GRM5: variants seen among roughly 807,000 people sequenced by gnomAD.
GRM5 encodes glutamate metabotropic receptor 5, also known as metabotropic glutamate receptor 5.
In GRM5, 19 loss-of-function variants were observed where a neutral mutation model predicts 83.1. The ratio of observed to expected loss-of-function variants is 0.23; its 90% confidence interval spans 0.16 to 0.34. The LOEUF (loss-of-function observed/expected upper bound fraction) is 0.34, where lower values mean the gene tolerates loss of function less well. GRM5 is among the 10% of genes least tolerant of loss of function. The pLI, the probability that GRM5 is intolerant of heterozygous loss-of-function variation, is 1.00. For synonymous variants in GRM5, 675 were observed against 633.6 expected, an observed-to-expected ratio of 1.07 and a Z score of -0.98; for missense variants, 1,160 against 1,588.3, an observed-to-expected ratio of 0.73 and a Z score of 4.58.
chr11:88,991,882 A>G (rs965349813), intron 2 of GRM5, among the ~76,000 whole-genome samples: 1 of 152,168 alleles, frequency 6.6e-6, no homozygotes, highest in Non-Finnish European at 1.5e-5. Context: ...TTAAAGACTT[A>G]AACGTTAGAC....
chr11:88,880,685 G>A (rs1046205344), intron 2 of GRM5, among the ~76,000 whole-genome samples: 5 of 152,076 alleles, frequency 3.3e-5, no homozygotes, highest in Non-Finnish European at 5.9e-5. Flanking sequence ...CAAGACATGT[G>A]GCTTCAAAAA....
rs145543820 is a variant in GRM5, at chr11:88,886,270, C to T, written c.662-36115G>A. On this transcript the variant is annotated intron_variant, in intron 2 of 9. Coordinates refer to ENST00000305447, the MANE Select transcript of GRM5 (RefSeq NM_001143831.3). The stretch of plus-strand genomic sequence containing the variant: ...ATTTTCCTGGTGCGTGATGACAAAC[C>T]CTGGGTTTACACCCCAGACATAGCT... Among the ~76,000 whole-genome samples the T allele has an allele frequency of 6.4e-3, 972 of 152,214 alleles. 11 individuals carry two copies. Among genetic ancestry groups the T allele is most frequent in the African/African-American group, 0.022 (912 of 41,534 alleles).
chr11:89,006,809 T>C (rs1312795643), intron 2 of GRM5, among the ~76,000 whole-genome samples: 4 of 152,196 alleles, frequency 2.6e-5, no homozygotes, highest in African/African-American at 9.6e-5. Context: ...CTTTGTTTTG[T>C]TTTGTTTTGA....
chr11:88,690,058 A>T (rs1940741964), intron 3 of GRM5, among the ~76,000 whole-genome samples: 1 of 152,158 alleles, frequency 6.6e-6, no homozygotes. Flanking sequence ...AATACATAAC[A>T]CAGCAAGGGA....
intron 8 of GRM5, among the ~76,000 whole-genome samples, chr11:88,538,550 A>C (rs1247268173): frequency 6.6e-6 from 1 of 152,232 alleles, no homozygotes; most frequent in African/African-American, 2.4e-5. Flanking sequence ...AGGAATTTTC[A>C]GACAGATAAC....
At chr11:88,517,965 C>T (rs1941568192) in intron 9 of GRM5, among the ~76,000 whole-genome samples, 1 of 151,902 alleles carries the variant, frequency 6.6e-6, no homozygotes, top group Admixed American at 6.6e-5. Flanking sequence ...TTTTCACAGG[C>T]AAGAACAGCA....
At chr11:89,010,392 A>C (rs1223450158) in intron 2 of GRM5, among the ~76,000 whole-genome samples, 1 of 152,180 alleles carries the variant, frequency 6.6e-6, no homozygotes, top group Non-Finnish European at 1.5e-5. Context: ...AGAATGTGTA[A>C]AATATACATA....
At chr11:88,557,163 T>G (rs1206539506) in intron 8 of GRM5, among the ~76,000 whole-genome samples, 22 of 152,180 alleles carry the variant, frequency 1.4e-4, no homozygotes, top group Admixed American at 1.4e-3. Context: ...TAGGCCTCTA[T>G]GTGCTTCCGT....
rs746271079 is a variant in GRM5, at chr11:88,590,640, C to G, written c.1651G>C (p.Ala551Pro). Residue 551 changes from alanine (A) to proline (P), a missense_variant, in exon 7 of 10, where the codon GCA (alanine) becomes CCA (proline). Around this residue, in one of 9 missense-constraint regions of GRM5, gnomAD observed 132 missense variants for 245.5 expected, o/e 0.54. Transcript: ENST00000305447. ...EYVFDEYTCK[A>P]CQLGSWPTDD... Reference sequence around the variant, plus strand: ...GTGGGCCAAGACCCCAGTTGGCATGCCTTGCATGTGTACTCATCAAAGACA... The same window carrying G: ...GTGGGCCAAGACCCCAGTTGGCATGGCTTGCATGTGTACTCATCAAAGACA... 2 of 1,609,324 alleles carry G rather than the reference C, an allele frequency of 1.2e-6. No individual in the cohort carries two copies. Among genetic ancestry groups the G allele is most frequent in the Admixed American group, 1.7e-5 (1 of 59,986 alleles).
chr11:88,714,740 A>C (rs1472991045), intron 3 of GRM5, among the ~76,000 whole-genome samples: 3 of 151,914 alleles, frequency 2.0e-5, no homozygotes, highest in Non-Finnish European at 4.4e-5. Context: ...CCTGTGATGC[A>C]TATTGACTTC....
At chr11:89,060,211 C>T (rs546967482) in intron 1 of GRM5, among the ~76,000 whole-genome samples, 4 of 150,880 alleles carry the variant, frequency 2.7e-5, no homozygotes, top group South Asian at 2.1e-4. Flanking sequence ...CTCTCTTTTG[C>T]GTATGTATGT....
chr11:88,567,016 A>AG lies in GRM5; in HGVS notation c.2630+36dup, dbSNP rs1455184933. ...AAACACATGCCTCTGCTCCAGTTTT[A>AG]GGGGCCAGCATCCCTGTAAGCCCCC... On this transcript the variant is annotated intron_variant, in intron 8 of 9. Coordinates refer to ENST00000305447, the MANE Select transcript of GRM5 (RefSeq NM_001143831.3). The surrounding 1 kb of genome is among the most constrained non-coding windows in gnomAD (Gnocchi z 7.3). The AG allele has an allele frequency of 7.5e-7, 1 of 1,331,540 alleles. No homozygotes were observed. The highest frequency in any genetic ancestry group is 1.5e-5 in the African/African-American group (1 of 68,330). The allele number at this position is 1,331,540 out of a possible 1,614,324, so 82.5% of individuals were successfully genotyped here.
chr11:88,904,511 T>C (rs1945371514), intron 2 of GRM5, among the ~76,000 whole-genome samples: 1 of 152,154 alleles, frequency 6.6e-6, no homozygotes, highest in African/African-American at 2.4e-5. Context: ...TACTGCCTTA[T>C]TGCAATTAAT....
At chr11:88,837,333 T>C (rs1167543531) in intron 3 of GRM5, among the ~76,000 whole-genome samples, 1 of 152,202 alleles carries the variant, frequency 6.6e-6, no homozygotes, top group Non-Finnish European at 1.5e-5. Flanking sequence ...TGTGGGACCT[T>C]GAGCAAATTA....
chr11:88,896,372 G>C (rs1331131670), intron 2 of GRM5, among the ~76,000 whole-genome samples: 2 of 151,606 alleles, frequency 1.3e-5, no homozygotes, highest in African/African-American at 4.8e-5. Flanking sequence ...AAAGGGATAC[G>C]AAAAAAAGGA....
chr11:88,662,230 G>T (rs1207924871), intron 3 of GRM5, among the ~76,000 whole-genome samples: 1 of 152,024 alleles, frequency 6.6e-6, no homozygotes, highest in Non-Finnish European at 1.5e-5. Flanking sequence ...GAAATCTGAG[G>T]GATTAAATAA....
intron 7 of GRM5, among the ~76,000 whole-genome samples, chr11:88,570,114 C>T (rs1942956055): frequency 6.6e-6 from 1 of 152,012 alleles, no homozygotes; most frequent in Non-Finnish European, 1.5e-5. Context: ...TGCTGTTTTG[C>T]TTTAAGATCT....
intron 9 of GRM5, among the ~76,000 whole-genome samples, chr11:88,522,579 C>CTCGA (rs1941726583): frequency 7.3e-6 from 1 of 136,366 alleles, no homozygotes; most frequent in Non-Finnish European, 1.6e-5. Flanking sequence ...TTCTCTCTCT[C>CTCGA]TCTCTCTCGC....
At chr11:88,603,838 G>T (rs1486156299) in intron 5 of GRM5, among the ~76,000 whole-genome samples, 2 of 152,138 alleles carry the variant, frequency 1.3e-5, no homozygotes, top group Non-Finnish European at 2.9e-5. Context: ...AAACCTTTTG[G>T]CAGGGTCAAC....
Sources: gnomAD v4.1 joint callset for allele counts (sites outside exome capture counted in the v4.1 genomes callset) on GRCh38, gnomAD v4.1.1 for gene constraint, gnomAD v4.1.1 regional missense constraint, Gnocchi (gnomAD v3.1) non-coding constraint, MANE v1.5 for transcripts, NCBI Gene and HGNC (gene_info 2026-07-23, HGNC 2026-07-21) for gene names.